The following TOP3B variants were observed in gnomAD, a reference collection of about 807,000 sequenced individuals.
The protein encoded by TOP3B is DNA topoisomerase 3-beta-1.
A neutral mutation model predicts 93.9 loss-of-function variants in TOP3B; 45 were observed. The ratio of observed to expected loss-of-function variants is 0.48; its 90% confidence interval spans 0.38 to 0.61. The LOEUF (loss-of-function observed/expected upper bound fraction) is 0.61, where lower values mean the gene tolerates loss of function less well. Ranked by LOEUF, TOP3B falls within the 20% of genes least tolerant of loss-of-function variation. The pLI, the probability that TOP3B is intolerant of heterozygous loss-of-function variation, is 0.00. For synonymous variants in TOP3B, 357 were observed against 472.6 expected, an observed-to-expected ratio of 0.76 and a Z score of 3.17; for missense variants, 750 against 1,156.1, an observed-to-expected ratio of 0.65 and a Z score of 5.09.
chr22:21,960,408 G>A lies in TOP3B; in HGVS notation c.1567C>T (p.Gln523Ter), dbSNP rs1357963335. The A allele has an allele frequency of 6.2e-7, 1 of 1,613,708 alleles. No individual in the cohort carries two copies. The highest frequency in any genetic ancestry group is 8.5e-7 in the Non-Finnish European group (1 of 1,179,984). ...CTCTCCACCGTGACATAGTTGCGCT[G>A]GCAGATGTTGTTGATATGCACAGGG... ...SIPVHINNIC[Q>*]RNYVTVESGR... The change falls in exon 14 of 18, where the codon CAG (glutamine) becomes TAG (stop). Residue 523 changes from glutamine to a stop codon, truncating the protein, a stop_gained. Transcript: ENST00000357179. LOFTEE classifies it high-confidence loss of function.
At chr22:21,977,627 CT>C (rs1326273619) in intron 1 of TOP3B, 3 of 150,586 alleles carry the variant, frequency 2.0e-5, no homozygotes, top group South Asian at 4.2e-4. Context: ...AAACTCAGAA[CT>C]ACAATGAGCT....
At chr22:21,960,088 C>G in intron 14 of TOP3B, 3 of 686,256 alleles carry the variant, frequency 4.4e-6, no homozygotes, top group Non-Finnish European at 7.2e-6. Context: ...AACTTCGCCT[C>G]CCTTTTTGGT....
At chr22:21,960,288 G>A (rs979896357) in intron 14 of TOP3B, 33 bp downstream of exon 14, 13 of 1,612,302 alleles carry the variant, frequency 8.1e-6, no homozygotes, top group African/African-American at 5.3e-5. Context: ...AGGGAGCCTC[G>A]GTGGGCCCTG....
chr22:21,974,662 G>T, intron 2 of TOP3B, 174 bp from the exon 3 acceptor site: 1 of 654,958 alleles, frequency 1.5e-6, no homozygotes, highest in Non-Finnish European at 2.5e-6. Context: ...GTGGGACGGC[G>T]CTCAGGGAAA....
chr22:21,974,729 C>A, intron 2 of TOP3B: 1 of 354,048 alleles, frequency 2.8e-6, no homozygotes, highest in Non-Finnish European at 5.1e-6. Flanking sequence ...CCCAGGCTGC[C>A]GGGAGCCAGG....
Position 21,963,787 on chromosome 22 carries a change from TG to T in TOP3B, c.1204+135del. ...ATAGCAATGGAGCTCATCTTCCAGG[TG>T]GCCCCCCATCCCCACAGCCAGGGCA... On this transcript the variant is annotated intron_variant, in intron 11 of 17. Coordinates refer to ENST00000357179, the MANE Select transcript of TOP3B (RefSeq NM_001282112.2). The surrounding 1 kb of genome is among the most constrained non-coding windows in gnomAD (Gnocchi z 4.8). 2.5e-6 allele frequency: 2 copies of T among 791,336 alleles called. No homozygotes were observed. The highest frequency in any genetic ancestry group is 4.1e-6 in the Non-Finnish European group (2 of 492,448). The allele number at this position is 791,336 out of a possible 1,614,324, so 49.0% of individuals were successfully genotyped here. A position where few individuals can be genotyped will look rare whatever the true frequency, so the allele number is the denominator to read the frequency against.
chr22:21,971,461 A>G lies in TOP3B; in HGVS notation c.384+416T>C. The G allele has an allele frequency of 3.1e-6, 1 of 325,260 alleles. No individual in the cohort carries two copies. Among genetic ancestry groups the G allele is most frequent in the South Asian group, 2.5e-5 (1 of 40,738 alleles). The allele number at this position is 325,260 out of a possible 1,614,324, so 20.1% of individuals were successfully genotyped here. A position where few individuals can be genotyped will look rare whatever the true frequency, so the allele number is the denominator to read the frequency against. On this transcript the variant is annotated intron_variant, in intron 5 of 17. Coordinates refer to ENST00000357179, the MANE Select transcript of TOP3B (RefSeq NM_001282112.2). The surrounding 1 kb of genome is among the most constrained non-coding windows in gnomAD (Gnocchi z 4.6). Reference sequence around the variant, plus strand: ...AGGCAGGAGGCATCCTGGATGAGGCAGGAGATGAGCAGAGCGAGGCCTGCA... The same window carrying G: ...AGGCAGGAGGCATCCTGGATGAGGCGGGAGATGAGCAGAGCGAGGCCTGCA...
At position 21,958,660 on chromosome 22, in the gene TOP3B, C is replaced by T. The variant is rs544938922; in HGVS notation, c.1939G>A (p.Asp647Asn). Reference protein sequence around the residue: ...KPSRLHCSHCDETYTLPQNGT... With the variant: ...KPSRLHCSHCNETYTLPQNGT... ...TTCTGGGGGAGCGTGTAGGTCTCAT[C>T]GCAGTGGGAGCAGTGCAGGCGGCTT... Residue 647 changes from aspartate to asparagine, a missense_variant, in exon 17 of 18, where the codon GAT (aspartate) becomes AAT (asparagine). By Grantham distance (23) the Asp-to-Asn change is conservative. This residue lies in a region of TOP3B where 737 missense variants were observed against 933.7 expected (regional missense o/e 0.79). Coordinates refer to ENST00000357179, the MANE Select transcript of TOP3B (RefSeq NM_001282112.2). 1.6e-5 allele frequency: 25 copies of T among 1,609,308 alleles called. No homozygotes were observed. Among genetic ancestry groups the T allele is most frequent in the Middle Eastern group, 1.7e-4 (1 of 5,836 alleles).
intron 7 of TOP3B, 46 bp from the exon 8 acceptor site, chr22:21,967,762 A>G (rs1424762940): frequency 1.3e-6 from 2 of 1,489,594 alleles, no homozygotes; most frequent in Non-Finnish European, 1.9e-6. Context: ...AAAAGTCTCC[A>G]GGTGAGCCCA....
intron 14 of TOP3B, 43 bp from the exon 15 acceptor site, chr22:21,959,779 C>T: frequency 2.5e-6 from 4 of 1,591,592 alleles, no homozygotes; most frequent in Non-Finnish European, 3.4e-6. Flanking sequence ...AGCACTCGCA[C>T]CCAGGGCCAT....
chr22:21,971,805 G>T lies in TOP3B; in HGVS notation c.384+72C>A. 7.2e-7 allele frequency: 1 copy of T among 1,397,476 alleles called. No individual in the cohort carries two copies. The highest frequency in any genetic ancestry group is 1.0e-6 in the Non-Finnish European group (1 of 984,042). 86.6% of individuals were successfully genotyped at this position (1,397,476 alleles called of 1,614,324 possible). ...CTTTGGCCCCAGGAGTGATGTGACT[G>T]ACTGCTGGTGTCAGTTTGGGGCTGG... On this transcript the variant is annotated intron_variant, in intron 5 of 17. Transcript: ENST00000357179. The surrounding 1 kb of genome is among the most constrained non-coding windows in gnomAD (Gnocchi z 4.6).
At chr22:21,959,554 TCTG>T in intron 15 of TOP3B, 30 bp downstream of exon 15, 1 of 1,578,430 alleles carries the variant, frequency 6.3e-7, no homozygotes, top group South Asian at 1.2e-5. Flanking sequence ...GAGACACCCC[TCTG>T]GTGAGGGGCA....
chr22:21,974,826 C>T (rs239928), intron 2 of TOP3B: 2,260 of 181,470 alleles, frequency 0.012, 58 homozygotes, highest in African/African-American at 0.051. Context: ...CGTTATTCAT[C>T]GTTTACTAAA....
intron 3 of TOP3B, 116 bp downstream of exon 3, chr22:21,974,241 T>C: frequency 7.6e-7 from 1 of 1,322,936 alleles, no homozygotes; most frequent in Non-Finnish European, 1.0e-6. Flanking sequence ...GCTGGCCTTA[T>C]GACTCATGGA....
Position 21,972,107 on chromosome 22 carries a change from G to A in TOP3B, c.310-156C>T, listed in dbSNP as rs2071663443. 3 of 594,238 alleles carry A rather than the reference G, an allele frequency of 5.0e-6. No homozygotes were observed. The Admixed American group carries it at 9.8e-5, about 19-fold the overall frequency. 36.8% of individuals were successfully genotyped at this position (594,238 alleles called of 1,614,324 possible). A position where few individuals can be genotyped will look rare whatever the true frequency, so the allele number is the denominator to read the frequency against. ...TGGGTAAGGAGCTGGCTGTGTTGAGGCTGGCTCAGCCAACAGAAAAGAATT... is the reference window on the plus strand; with the variant it reads ...TGGGTAAGGAGCTGGCTGTGTTGAGACTGGCTCAGCCAACAGAAAAGAATT... On this transcript the variant is annotated intron_variant, in intron 4 of 17. Coordinates refer to ENST00000357179, the MANE Select transcript of TOP3B (RefSeq NM_001282112.2).
chr22:21,962,556 G>A lies in TOP3B; in HGVS notation c.1398C>T (p.Ser466=). 4 of 1,613,586 alleles carry A rather than the reference G, an allele frequency of 2.5e-6. No homozygotes were observed. Among genetic ancestry groups the A allele is most frequent in the Non-Finnish European group, 3.4e-6 (4 of 1,180,032 alleles). Residue 466 remains serine (S), a synonymous_variant, in exon 13 of 18, where the codon AGC becomes AGT. Transcript: ENST00000357179. ...CATCACCCCGCTGGCAAGTGGGCAG[G>A]CTCTCCTCCAGGGGCACGCTCTGCC... The part of the protein sequence containing the change: ...MPWQSVPLEE[S]LPTCQRGDAF...
intron 15 of TOP3B, 120 bp downstream of exon 15, chr22:21,959,467 C>G: frequency 6.6e-7 from 1 of 1,512,964 alleles, no homozygotes; most frequent in Non-Finnish European, 8.8e-7. Context: ...ACCTGGCCTA[C>G]GGAGGCCTGA....
rs1403071531 is a variant in TOP3B, at chr22:21,982,782, G to T, written c.-151C>A. ...GGTCCTTGTTCCCGGGGCGGCTACC[G>T]ACAACCCCTATTTCCGGGTCCAGCC... On this transcript the variant is annotated 5_prime_UTR_variant, in exon 1 of 18. Coordinates refer to ENST00000357179, the MANE Select transcript of TOP3B (RefSeq NM_001282112.2). 6.6e-6 allele frequency: 1 copy of T among 152,202 alleles called. No homozygotes were observed. Among genetic ancestry groups the T allele is most frequent in the African/African-American group, 2.4e-5 (1 of 41,462 alleles). 9.4% of individuals were successfully genotyped at this position (152,202 alleles called of 1,614,324 possible). A position where few individuals can be genotyped will look rare whatever the true frequency, so the allele number is the denominator to read the frequency against.
At chr22:21,967,416 G>A (rs189071631) in intron 8 of TOP3B, 187 bp downstream of exon 8, 296 of 598,562 alleles carry the variant, frequency 4.9e-4, no homozygotes, top group African/African-American at 4.8e-3. Flanking sequence ...TGTGACTATT[G>A]CACTGGGCAG....
Sources: gnomAD v4.1 joint callset for allele counts on GRCh38, gnomAD v4.1.1 for gene constraint, gnomAD v4.1.1 regional missense constraint, Gnocchi (gnomAD v3.1) non-coding constraint, MANE v1.5 for transcripts, NCBI Gene and HGNC (gene_info 2026-07-23, HGNC 2026-07-21) for gene names.